The following RBPJ variants were observed in gnomAD, a reference collection of about 807,000 sequenced individuals.
The protein encoded by RBPJ is recombination signal binding protein for immunoglobulin kappa J region, also known as recombining binding protein suppressor of hairless.
In RBPJ, 9 loss-of-function variants were observed where a neutral mutation model predicts 67.8. The observed-to-expected ratio is 0.13, with a 90% CI of 0.08 to 0.23. RBPJ has a LOEUF of 0.23. Ranked by LOEUF, RBPJ falls within the 10% of genes least tolerant of loss-of-function variation. RBPJ has a pLI of 1.00. For missense variants in RBPJ, 305 were observed against 595.6 expected (o/e 0.51, Z 5.08); for synonymous variants, 198 against 203.3 (o/e 0.97, Z 0.22).
At chr4:26,184,359 G>A (rs1717146094) in intron 1 of RBPJ, among the ~76,000 whole-genome samples, 1 of 152,018 alleles carries the variant, frequency 6.6e-6, no homozygotes, top group Non-Finnish European at 1.5e-5. Context: ...CAGCAAGCAG[G>A]GATTGACAGC....
intron 1 of RBPJ, among the ~76,000 whole-genome samples, chr4:26,302,781 T>C (rs1424487590): frequency 6.6e-6 from 1 of 152,218 alleles, no homozygotes; most frequent in Non-Finnish European, 1.5e-5. Flanking sequence ...TCATCTCCAT[T>C]TGAAGTCTCT....
chr4:26,135,222 G>T, the RBPJ span, among the ~76,000 whole-genome samples: 2 of 152,036 alleles, frequency 1.3e-5, no homozygotes, highest in Admixed American at 1.3e-4. Context: ...AAAGAAAACT[G>T]CACCTTCTTC....
chr4:26,125,787 A>G, the RBPJ span, among the ~76,000 whole-genome samples: 1 of 146,092 alleles, frequency 6.8e-6, no homozygotes, highest in East Asian at 1.9e-4. Context: ...CAATAGAGCA[A>G]GACTCCATTT....
intron 1 of RBPJ, among the ~76,000 whole-genome samples, chr4:26,313,797 A>T (rs536708370): frequency 6.6e-6 from 1 of 152,054 alleles, no homozygotes; most frequent in South Asian, 2.1e-4. Flanking sequence ...GATTGCACCA[A>T]TGCACTCCAG....
In RBPJ at chr4:26,432,784, TAC is replaced by T. The variant is rs1435595531; in HGVS notation, c.*1779_*1780del. On this transcript the variant is annotated 3_prime_UTR_variant, in exon 11 of 11. Coordinates refer to ENST00000355476, the MANE Select transcript of RBPJ (RefSeq NM_015874.6). ...TTATGAATGCAAAACTGTAACTTCC[TAC>T]AGTGTTTCCCTACAGAACATTGTCT... 4 of 152,336 alleles carry T rather than the reference TAC, an allele frequency of 2.6e-5. No individual in the cohort carries two copies. The East Asian group carries it at 5.8e-4, about 22-fold the overall frequency. The allele number at this position is 152,336 out of a possible 1,614,324, so 9.4% of individuals were successfully genotyped here. A position where few individuals can be genotyped will look rare whatever the true frequency, so the allele number is the denominator to read the frequency against.
intron 1 of RBPJ, among the ~76,000 whole-genome samples, chr4:26,363,879 CTACT>C (rs1341352196): frequency 1.3e-5 from 2 of 152,012 alleles, no homozygotes; most frequent in African/African-American, 2.4e-5. Context: ...TTCGTAATAC[CTACT>C]TAATCAAAAA....
At position 26,433,561 on chromosome 4, in the gene RBPJ, T is replaced by C. The variant is rs1025856719; in HGVS notation, c.*2554T>C. On this transcript the variant is annotated 3_prime_UTR_variant, in exon 11 of 11. Transcript: ENST00000355476. ...GTATGTTTTATTTTGATAGTTTCTT[T>C]CCGTAAGATAATTGAAATATTATAC... is the stretch of plus-strand genomic sequence containing the variant. The C allele has an allele frequency of 3.3e-5, 5 of 152,220 alleles. No homozygotes were observed. The highest frequency in any genetic ancestry group is 1.2e-4 in the African/African-American group (5 of 41,466). 9.4% of individuals were successfully genotyped at this position (152,220 alleles called of 1,614,324 possible).
intron 1 of RBPJ, among the ~76,000 whole-genome samples, chr4:26,184,792 C>T (rs139868626): frequency 1.7e-4 from 26 of 152,226 alleles, no homozygotes; most frequent in Non-Finnish European, 2.8e-4. Context: ...TATAGTTTGT[C>T]GGAAGGCACA....
the RBPJ span, among the ~76,000 whole-genome samples, chr4:26,129,885 G>A: frequency 1.3e-5 from 2 of 151,898 alleles, no homozygotes; most frequent in East Asian, 3.9e-4. Context: ...TTTTTGAGAT[G>A]GAGTCTCTCT....
chr4:26,421,861 A>G lies in RBPJ; in HGVS notation c.496+1136A>G, dbSNP rs189425377. 5.9e-3 allele frequency among the ~76,000 whole-genome samples: 892 copies of G among 152,208 alleles called. 7 individuals carry two copies. Among genetic ancestry groups the G allele is most frequent in the Non-Finnish European group, 9.8e-3 (667 of 67,998 alleles). On this transcript the variant is annotated intron_variant, in intron 5 of 10. Coordinates refer to ENST00000355476, the MANE Select transcript of RBPJ (RefSeq NM_015874.6). Reference sequence around the variant, plus strand: ...TGTCATCTAATATCCTATTTCATGTACAGATTTATCAGATTGACCCAGAAT... The same window carrying G: ...TGTCATCTAATATCCTATTTCATGTGCAGATTTATCAGATTGACCCAGAAT...
At chr4:26,425,265 G>C (rs143031397) in intron 7 of RBPJ, among the ~76,000 whole-genome samples, 1 of 152,258 alleles carries the variant, frequency 6.6e-6, no homozygotes, top group African/African-American at 2.4e-5. Flanking sequence ...GCAGGGCATA[G>C]GATTTAGGGC....
chr4:26,223,118 G>A (rs1445005488), intron 1 of RBPJ, among the ~76,000 whole-genome samples: 5 of 147,580 alleles, frequency 3.4e-5, no homozygotes, highest in African/African-American at 5.1e-5. Context: ...TTGCGCCATC[G>A]CACTCCAGCC....
intron 1 of RBPJ, among the ~76,000 whole-genome samples, chr4:26,166,601 G>A (rs1716313709): frequency 2.6e-5 from 4 of 151,894 alleles, no homozygotes; most frequent in Admixed American, 2.6e-4. Flanking sequence ...TGAGTTCATT[G>A]TAGATTCTGG....
chr4:26,209,139 A>G (rs1243527384), intron 1 of RBPJ, among the ~76,000 whole-genome samples: 1 of 151,624 alleles, frequency 6.6e-6, no homozygotes, highest in African/African-American at 2.4e-5. Context: ...TAGTAAAAAT[A>G]CTCTCAACAT....
chr4:26,142,104 G>C, the RBPJ span, among the ~76,000 whole-genome samples: 1 of 152,202 alleles, frequency 6.6e-6, no homozygotes. Flanking sequence ...CCCCCTTCAG[G>C]GTACATTTCC....
At chr4:26,371,697 A>G (rs1196560376) in intron 1 of RBPJ, among the ~76,000 whole-genome samples, 1 of 152,216 alleles carries the variant, frequency 6.6e-6, no homozygotes, top group South Asian at 2.1e-4. Flanking sequence ...TCAAATTGGA[A>G]TATTACAGTA....
intron 1 of RBPJ, among the ~76,000 whole-genome samples, chr4:26,305,346 A>G (rs1405338184): frequency 6.6e-6 from 1 of 152,216 alleles, no homozygotes; most frequent in Non-Finnish European, 1.5e-5. Flanking sequence ...TGTCCTTGTC[A>G]GTTTCTACAA....
intron 1 of RBPJ, among the ~76,000 whole-genome samples, chr4:26,364,619 CA>C (rs1728427051): frequency 7.7e-6 from 1 of 129,738 alleles, no homozygotes. Context: ...TTTTCTTTTT[CA>C]TTTTCTTTTT....
intron 1 of RBPJ, among the ~76,000 whole-genome samples, chr4:26,226,600 T>A (rs187631408): frequency 7.9e-5 from 12 of 152,332 alleles, no homozygotes; most frequent in African/African-American, 2.9e-4. Context: ...TTTGTGATGA[T>A]CATCTACTCA....
Sources: allele counts gnomAD v4.1 joint callset (sites outside exome capture counted in the v4.1 genomes callset), GRCh38; gene constraint gnomAD v4.1.1; transcripts MANE v1.5; gene names NCBI Gene and HGNC (gene_info 2026-07-23, HGNC 2026-07-21).